Variants in PLPPR2 observed in about 807,000 individuals in gnomAD.
PLPPR2 encodes phospholipid phosphatase-related protein type 2.
Under a neutral mutation model 40.3 loss-of-function variants are expected in PLPPR2, and 11 were observed. That is an observed-to-expected ratio of 0.27 (90% CI 0.17 to 0.45). PLPPR2 has a LOEUF of 0.45. Ranked by LOEUF, PLPPR2 falls within the 20% of genes least tolerant of loss-of-function variation. The pLI is 1.00. For missense variants in PLPPR2, 497 were observed against 640.7 expected, an observed-to-expected ratio of 0.78 and a Z score of 2.42; for synonymous variants, 260 against 290.8, an observed-to-expected ratio of 0.89 and a Z score of 1.08.
At position 11,363,792 on chromosome 19, in the gene PLPPR2, C is replaced by A; in HGVS notation, c.920C>A (p.Ala307Asp). Residue 307 changes from alanine (A) to aspartate (D), a missense_variant, in exon 8 of 10, where the codon GCC becomes GAC. Physicochemically the swap from Ala to Asp is moderately radical, Grantham distance 126 (BLOSUM62 -2). Coordinates refer to ENST00000688289, the MANE Select transcript of PLPPR2 (RefSeq NM_001393892.1). This position sits in a 1 kb window ranked among gnomAD's most constrained non-coding sequence, Gnocchi z 4.8. ...RLSPWEDLGQ[A>D]PTMDSPLEKL... Reference sequence around the variant, plus strand: ...TCTCCCTGGGAGGACCTGGGCCAAGCCCCCACCATGGATAGCCCCCTCGAA... The same window carrying A: ...TCTCCCTGGGAGGACCTGGGCCAAGACCCCACCATGGATAGCCCCCTCGAA... 1.2e-6 allele frequency: 2 copies of A among 1,614,190 alleles called. No individual in the cohort carries two copies. Among genetic ancestry groups the A allele is most frequent in the Non-Finnish European group, 1.7e-6 (2 of 1,180,012 alleles).
chr19:11,357,286 A>C lies in PLPPR2; in HGVS notation c.-15+310A>C, dbSNP rs564505807. ...GGAAAGAGGATGGTGTCCCCTAAAA[A>C]CTAGTGGGGACCCTTCTAAGTGCCA... On this transcript the variant is annotated intron_variant, in intron 2 of 9. Transcript: ENST00000688289. 2.0e-5 allele frequency among the ~76,000 whole-genome samples: 3 copies of C among 152,010 alleles called. No individual in the cohort carries two copies. The South Asian group carries it at 6.2e-4, about 32-fold the overall frequency.
At position 11,359,406 on chromosome 19, in the gene PLPPR2, A is replaced by G; in HGVS notation, c.67-126A>G. 1.2e-6 allele frequency: 1 copy of G among 815,056 alleles called. No individual in the cohort carries two copies. The highest frequency in any genetic ancestry group is 1.8e-6 in the Non-Finnish European group (1 of 562,980). 50.5% of individuals were successfully genotyped at this position (815,056 alleles called of 1,614,324 possible). A position where few individuals can be genotyped will look rare whatever the true frequency, so the allele number is the denominator to read the frequency against. On this transcript the variant is annotated intron_variant, in intron 3 of 9. Coordinates refer to ENST00000688289, the MANE Select transcript of PLPPR2 (RefSeq NM_001393892.1). This position sits in a 1 kb window ranked among gnomAD's most constrained non-coding sequence, Gnocchi z 5.6. ...CTCCCCCTTGTCTCTGTCTCTCTCC[A>G]TCTTCTAGTTTCTGTCTCTAACCCA...
chr19:11,358,690 T>G (rs558779984), intron 3 of PLPPR2, among the ~76,000 whole-genome samples: 2 of 150,550 alleles, frequency 1.3e-5, no homozygotes, highest in South Asian at 4.2e-4. Context: ...CACTTCTTCC[T>G]TTTCTTTCTT....
At chr19:11,358,229 A>G (rs1156384548) in intron 3 of PLPPR2, among the ~76,000 whole-genome samples, 1 of 151,714 alleles carries the variant, frequency 6.6e-6, no homozygotes, top group Non-Finnish European at 1.5e-5. Flanking sequence ...TAATTTTTGT[A>G]CTTTTTGGTA....
chr19:11,359,639 G>A lies in PLPPR2; in HGVS notation c.174G>A (p.Lys58=). The part of the protein sequence containing the change: ...GFFCYDSTYA[K]PYPGPEAASR... ...TCTGCTATGACAGTACCTACGCCAA[G>A]CCCTACCCAGGGCCTGAGGCTGCCA... The change falls in exon 4 of 10, where the codon AAG becomes AAA. Residue 58 remains lysine, a synonymous_variant. Coordinates refer to ENST00000688289, the MANE Select transcript of PLPPR2 (RefSeq NM_001393892.1). This position sits in a 1 kb window ranked among gnomAD's most constrained non-coding sequence, Gnocchi z 5.6. 6.2e-7 allele frequency: 1 copy of A among 1,613,056 alleles called. No homozygotes were observed. The highest frequency in any genetic ancestry group is 2.2e-5 in the East Asian group (1 of 44,840).
At chr19:11,358,035 G>A (rs182979947) in intron 3 of PLPPR2, among the ~76,000 whole-genome samples, 2 of 12,058 alleles carry the variant, frequency 1.7e-4, no homozygotes, top group African/African-American at 3.3e-4. Flanking sequence ...TTCTCTGTGT[G>A]TGTGTGTGTG....
chr19:11,360,434 T>TA (rs964033882), intron 5 of PLPPR2, among the ~76,000 whole-genome samples: 12 of 151,438 alleles, frequency 7.9e-5, no homozygotes, highest in African/African-American at 1.2e-4. Context: ...CCCACCTCTT[T>TA]AAAAAAAAGG....
In PLPPR2 at chr19:11,362,500, C is replaced by G; in HGVS notation, c.664-13C>G. On this transcript the variant is annotated splice_polypyrimidine_tract_variant and intron_variant, in intron 6 of 9. Transcript: ENST00000688289. The surrounding 1 kb of genome is among the most constrained non-coding windows in gnomAD (Gnocchi z 5.3). ...GCCTCCGCTATCCCCCTGACCAGTC[C>G]GGCTCCCCGCAGATGTACGTGACTC... The G allele has an allele frequency of 6.2e-7, 1 of 1,608,192 alleles. No homozygotes were observed. The highest frequency in any genetic ancestry group is 8.5e-7 in the Non-Finnish European group (1 of 1,179,928).
At chr19:11,360,726 G>A (rs527904322) in intron 5 of PLPPR2, among the ~76,000 whole-genome samples, 1 of 152,204 alleles carries the variant, frequency 6.6e-6, no homozygotes, top group African/African-American at 2.4e-5. Context: ...GTGGCTGTGG[G>A]AAAGGGGGAG....
intron 1 of PLPPR2, 109 bp from the exon 2 acceptor site, chr19:11,356,693 T>TGG (rs1187916831): frequency 1.3e-5 from 2 of 153,808 alleles, no homozygotes; most frequent in African/African-American, 4.9e-5. Flanking sequence ...TGTGTGTGTG[T>TGG]GGTGCCAGGA....
rs1055455415 is a variant in PLPPR2 at position 11,359,246 on chromosome 19, C to T, written c.67-286C>T. 5.9e-5 allele frequency among the ~76,000 whole-genome samples: 9 copies of T among 152,144 alleles called. No homozygotes were observed. Among genetic ancestry groups the T allele is most frequent in the Non-Finnish European group, 1.5e-5 (1 of 68,040 alleles). The stretch of plus-strand genomic sequence containing the variant: ...TCCTGAGCTCAAGGGATCCTCTTGC[C>T]TATGCCTCCCAAAGTGCTGGAATTA... On this transcript the variant is annotated intron_variant, in intron 3 of 9. Coordinates refer to ENST00000688289, the MANE Select transcript of PLPPR2 (RefSeq NM_001393892.1). The surrounding 1 kb of genome is among the most constrained non-coding windows in gnomAD (Gnocchi z 5.6).
At position 11,356,472 on chromosome 19, in the gene PLPPR2, G is replaced by C. The variant is rs181763619; in HGVS notation, c.-189-330G>C. Among the ~76,000 whole-genome samples the C allele has an allele frequency of 9.2e-5, 14 of 152,024 alleles. No individual in the cohort carries two copies. In the East Asian group the frequency reaches 2.7e-3, roughly 29 times the overall value. Reference sequence around the variant, plus strand: ...CTGGGGTGGGGGTGGGGACTTGTTTGATCTGTTTGGTGTCTCTGACAGGCT... The same window carrying C: ...CTGGGGTGGGGGTGGGGACTTGTTTCATCTGTTTGGTGTCTCTGACAGGCT... On this transcript the variant is annotated intron_variant, in intron 1 of 9. Transcript: ENST00000688289.
chr19:11,361,103 G>T lies in PLPPR2; in HGVS notation c.392-114G>T. 1 of 1,337,440 alleles carries T rather than the reference G, an allele frequency of 7.5e-7. No individual in the cohort carries two copies. The highest frequency in any genetic ancestry group is 2.4e-5 in the East Asian group (1 of 40,988). 82.8% of individuals were successfully genotyped at this position (1,337,440 alleles called of 1,614,324 possible). On this transcript the variant is annotated intron_variant, in intron 5 of 9. Coordinates refer to ENST00000688289, the MANE Select transcript of PLPPR2 (RefSeq NM_001393892.1). This position sits in a 1 kb window ranked among gnomAD's most constrained non-coding sequence, Gnocchi z 6.3. ...AAGGGGGATGTTGGCACAACTACAG[G>T]GTCCCAAGTGTGCTTTAATGACAGT...
Position 11,359,421 on chromosome 19 carries a change from T to C in PLPPR2, c.67-111T>C. 1 of 990,634 alleles carries C rather than the reference T, an allele frequency of 1.0e-6. No homozygotes were observed. Among genetic ancestry groups the C allele is most frequent in the Non-Finnish European group, 1.4e-6 (1 of 710,508 alleles). 61.4% of individuals were successfully genotyped at this position (990,634 alleles called of 1,614,324 possible). On this transcript the variant is annotated intron_variant, in intron 3 of 9. Transcript: ENST00000688289. The surrounding 1 kb of genome is among the most constrained non-coding windows in gnomAD (Gnocchi z 5.6). ...GTCTCTCTCCATCTTCTAGTTTCTG[T>C]CTCTAACCCATGTTTCTCCATCTCT...
intron 3 of PLPPR2, among the ~76,000 whole-genome samples, chr19:11,358,970 C>T (rs1257469152): frequency 1.3e-5 from 2 of 152,200 alleles, no homozygotes; most frequent in African/African-American, 4.8e-5. Context: ...CTGCCTCAGC[C>T]TCCCAAAGTG....
Position 11,361,406 on chromosome 19 carries a change from G to A in PLPPR2, c.581G>A (p.Ser194Asn). 2 of 1,609,344 alleles carry A rather than the reference G, an allele frequency of 1.2e-6. No homozygotes were observed. The highest frequency in any genetic ancestry group is 1.1e-5 in the South Asian group (1 of 91,054). ...ACTGACCAGGGTGCCTGCGCTGGCA[G>A]TCCCAGCCTCGTGGCCGCCGCGCGC... ...FVTDQGACAG[S>N]PSLVAAARRA... Residue 194 changes from serine (S) to asparagine (N), a missense_variant, in exon 6 of 10, where the codon AGT becomes AAT. Transcript: ENST00000688289. This position sits in a 1 kb window ranked among gnomAD's most constrained non-coding sequence, Gnocchi z 6.3.
rs980603415 is a variant in PLPPR2 at position 11,361,687 on chromosome 19, C to T, written c.663+199C>T. ...CCACGCCCCCAGTCAGAGGCTATCGCTGTCCATTGACTCCGCCCCTTGCCC... is the reference window on the plus strand; with the variant it reads ...CCACGCCCCCAGTCAGAGGCTATCGTTGTCCATTGACTCCGCCCCTTGCCC... On this transcript the variant is annotated intron_variant, in intron 6 of 9. Coordinates refer to ENST00000688289, the MANE Select transcript of PLPPR2 (RefSeq NM_001393892.1). This position sits in a 1 kb window ranked among gnomAD's most constrained non-coding sequence, Gnocchi z 6.3. 1.2e-4 allele frequency among the ~76,000 whole-genome samples: 18 copies of T among 152,224 alleles called. No individual in the cohort carries two copies. Among genetic ancestry groups the T allele is most frequent in the Admixed American group, 8.5e-4 (13 of 15,300 alleles).
chr19:11,359,442 T>G lies in PLPPR2; in HGVS notation c.67-90T>G. 1 of 1,219,582 alleles carries G rather than the reference T, an allele frequency of 8.2e-7. No homozygotes were observed. The highest frequency in any genetic ancestry group is 3.0e-5 in the Admixed American group (1 of 33,740). The allele number at this position is 1,219,582 out of a possible 1,614,324, so 75.5% of individuals were successfully genotyped here. A position where few individuals can be genotyped will look rare whatever the true frequency, so the allele number is the denominator to read the frequency against. The stretch of plus-strand genomic sequence containing the variant: ...TCTGTCTCTAACCCATGTTTCTCCA[T>G]CTCTGTATCTCTGCCTCTGTGGCCT... On this transcript the variant is annotated intron_variant, in intron 3 of 9. Coordinates refer to ENST00000688289, the MANE Select transcript of PLPPR2 (RefSeq NM_001393892.1). The surrounding 1 kb of genome is among the most constrained non-coding windows in gnomAD (Gnocchi z 5.6).
rs1351624079 is a variant in PLPPR2, at chr19:11,361,836, A to G, written c.663+348A>G. Among the ~76,000 whole-genome samples, 1 of 152,128 alleles carries G rather than the reference A, an allele frequency of 6.6e-6. No homozygotes were observed. The highest frequency in any genetic ancestry group is 2.1e-4 in the South Asian group (1 of 4,834). ...AGCCTAGCCAGGCCCCCAGGATGCT[A>G]CAGGCGCTAGATATTAGCTGGCAGA... On this transcript the variant is annotated intron_variant, in intron 6 of 9. Transcript: ENST00000688289. This position sits in a 1 kb window ranked among gnomAD's most constrained non-coding sequence, Gnocchi z 6.3.
Sources: gnomAD v4.1 joint callset for allele counts (sites outside exome capture counted in the v4.1 genomes callset) on GRCh38, gnomAD v4.1.1 for gene constraint, Gnocchi (gnomAD v3.1) non-coding constraint, MANE v1.5 for transcripts, NCBI Gene and HGNC (gene_info 2026-07-23, HGNC 2026-07-21) for gene names.